The following RYK variants were observed in gnomAD, a reference collection of about 807,000 sequenced individuals.
RYK encodes inactive tyrosine-protein kinase RYK.
In RYK, 21 loss-of-function variants were observed where a neutral mutation model predicts 70.2. That is an observed-to-expected ratio of 0.30 (90% CI 0.21 to 0.43). The LOEUF is 0.43. Among genes scored for constraint, RYK ranks in the 20% least tolerant of loss-of-function variants. The pLI is 1.00. For missense variants in RYK, 604 were observed against 753.3 expected, an observed-to-expected ratio of 0.80 and a Z score of 2.32; for synonymous variants, 267 against 278.0, an observed-to-expected ratio of 0.96 and a Z score of 0.39.
chr3:134,195,276 C>A, intron 6 of RYK, 94 bp from the exon 7 acceptor site: 2 of 831,580 alleles, frequency 2.4e-6, no homozygotes, highest in Non-Finnish European at 4.0e-6. Flanking sequence ...GCCATTAAAA[C>A]CAGCCTAAAA....
chr3:134,160,795 C>T (rs959472714), intron 13 of RYK, among the ~76,000 whole-genome samples: 14 of 152,106 alleles, frequency 9.2e-5, no homozygotes, highest in Admixed American at 2.6e-4. Context: ...GCGGAGGTTG[C>T]GGTGAGCCGA....
At chr3:134,176,740 T>C (rs943415272) in intron 11 of RYK, among the ~76,000 whole-genome samples, 8 of 151,832 alleles carry the variant, frequency 5.3e-5, no homozygotes, top group Non-Finnish European at 1.5e-5. Context: ...AGATCCTGTC[T>C]AATGAAACAA....
intron 1 of RYK, among the ~76,000 whole-genome samples, chr3:134,224,278 A>T (rs528731027): frequency 6.6e-6 from 1 of 152,228 alleles, no homozygotes; most frequent in African/African-American, 2.4e-5. Context: ...GTAAGGTCAC[A>T]TAAGTCACGT....
At chr3:134,220,129 G>A (rs1368031728) in intron 2 of RYK, among the ~76,000 whole-genome samples, 1 of 152,116 alleles carries the variant, frequency 6.6e-6, no homozygotes, top group Non-Finnish European at 1.5e-5. Flanking sequence ...AGAAACCTCA[G>A]ACAACACAAA....
chr3:134,166,796 A>T (rs1489709099), intron 13 of RYK, among the ~76,000 whole-genome samples: 1 of 152,238 alleles, frequency 6.6e-6, no homozygotes, highest in Non-Finnish European at 1.5e-5. Flanking sequence ...CAGGCCAACT[A>T]CTTGATCACA....
intron 7 of RYK, among the ~76,000 whole-genome samples, chr3:134,194,327 AC>A (rs2013746022): frequency 1.3e-5 from 2 of 152,274 alleles, no homozygotes; most frequent in African/African-American, 4.8e-5. Context: ...TACACATTTT[AC>A]GTTTTAATTC....
At chr3:134,164,360 G>A (rs767708710) in intron 13 of RYK, among the ~76,000 whole-genome samples, 2 of 152,144 alleles carry the variant, frequency 1.3e-5, no homozygotes, top group African/African-American at 4.8e-5. Flanking sequence ...ACCAAGATAA[G>A]GAGCATATCT....
chr3:134,242,566 T>C (rs2015351730), intron 1 of RYK, among the ~76,000 whole-genome samples: 1 of 152,250 alleles, frequency 6.6e-6, no homozygotes, highest in Non-Finnish European at 1.5e-5. Context: ...GAGTAGCTAA[T>C]GGTTCTGTTT....
At chr3:134,199,071 A>G (rs1444818819) in intron 6 of RYK, among the ~76,000 whole-genome samples, 2 of 152,226 alleles carry the variant, frequency 1.3e-5, no homozygotes, top group African/African-American at 4.8e-5. Context: ...GGGTGAATGT[A>G]AAGAGAAGCT....
chr3:134,241,853 A>C (rs1440778633), intron 1 of RYK, among the ~76,000 whole-genome samples: 1 of 152,216 alleles, frequency 6.6e-6, no homozygotes, highest in Non-Finnish European at 1.5e-5. Context: ...AACAAAAAAC[A>C]GTCAATGCCA....
At chr3:134,219,486 A>G (rs1379663567) in intron 2 of RYK, among the ~76,000 whole-genome samples, 11 of 152,230 alleles carry the variant, frequency 7.2e-5, no homozygotes, top group African/African-American at 2.7e-4. Flanking sequence ...AAGTGTGCCC[A>G]GAAATATTCA....
intron 14 of RYK, among the ~76,000 whole-genome samples, chr3:134,158,634 T>C (rs551732597): frequency 6.6e-6 from 1 of 152,258 alleles, no homozygotes; most frequent in East Asian, 1.9e-4. Flanking sequence ...TAGAGTAAAA[T>C]CAGTACAAAA....
At position 134,209,715 on chromosome 3, in the gene RYK, C is replaced by A; in HGVS notation, c.569G>T (p.Arg190Leu). The A allele has an allele frequency of 6.8e-7, 1 of 1,472,630 alleles. No homozygotes were observed. Among genetic ancestry groups the A allele is most frequent in the Non-Finnish European group, 9.0e-7 (1 of 1,105,584 alleles). The allele number at this position is 1,472,630 out of a possible 1,614,324, so 91.2% of individuals were successfully genotyped here. ...SKNFTVLNFK[R>L]RKMCYKKLEE... The stretch of plus-strand genomic sequence containing the variant: ...CTTACTTTTGTAGCACATTTTCCTT[C>A]GTTTAAAATTTAAGACGGTAAAATT... Residue 190 changes from arginine (R) to leucine (L), a missense_variant, in exon 4 of 15, where the codon CGA becomes CTA. Transcript: ENST00000623711.
Position 134,240,735 on chromosome 3 carries a change from C to T in RYK, c.232+9688G>A, listed in dbSNP as rs372975350. Among the ~76,000 whole-genome samples, 10 of 152,288 alleles carry T rather than the reference C, an allele frequency of 6.6e-5. No homozygotes were observed. In the East Asian group the frequency reaches 1.5e-3, roughly 23 times the overall value. Reference sequence around the variant, plus strand: ...TCAAAGGCCCCAAAAGTCTAGAGGTCCTAGCACAGTATACAAATTTTAGTA... The same window carrying T: ...TCAAAGGCCCCAAAAGTCTAGAGGTTCTAGCACAGTATACAAATTTTAGTA... On this transcript the variant is annotated intron_variant, in intron 1 of 14. Transcript: ENST00000623711.
intron 6 of RYK, among the ~76,000 whole-genome samples, chr3:134,199,860 G>A (rs1031535614): frequency 1.1e-4 from 17 of 151,932 alleles, no homozygotes; most frequent in African/African-American, 3.1e-4. Context: ...TGCACCAAAC[G>A]GCACTCTGTG....
At chr3:134,162,086 C>T (rs917801821) in intron 13 of RYK, among the ~76,000 whole-genome samples, 1 of 152,152 alleles carries the variant, frequency 6.6e-6, no homozygotes, top group Non-Finnish European at 1.5e-5. Context: ...CTTCACGTGA[C>T]ATTTTCTCCT....
chr3:134,189,499 G>C (rs1239936585), intron 8 of RYK, among the ~76,000 whole-genome samples: 1 of 152,042 alleles, frequency 6.6e-6, no homozygotes, highest in African/African-American at 2.4e-5. Context: ...CGCGGCTCAC[G>C]CCTGTAATCC....
intron 9 of RYK, among the ~76,000 whole-genome samples, chr3:134,185,866 T>C (rs899299041): frequency 4.6e-5 from 7 of 152,174 alleles, no homozygotes; most frequent in African/African-American, 1.7e-4. Context: ...CATGTTCTAT[T>C]AAAGCAAAGG....
intron 1 of RYK, among the ~76,000 whole-genome samples, chr3:134,243,810 A>G (rs2015384522): frequency 6.6e-6 from 1 of 152,170 alleles, no homozygotes; most frequent in Non-Finnish European, 1.5e-5. Flanking sequence ...AGTCAAAAGT[A>G]AGTGCTCCTA....
Sources: gnomAD v4.1 joint callset for allele counts (sites outside exome capture counted in the v4.1 genomes callset) on GRCh38, gnomAD v4.1.1 for gene constraint, MANE v1.5 for transcripts, NCBI Gene and HGNC (gene_info 2026-07-23, HGNC 2026-07-21) for gene names.